The following SLC47A2 variants were observed in gnomAD, a reference collection of about 807,000 sequenced individuals.
SLC47A2 encodes solute carrier family 47 member 2.
In SLC47A2, 52 loss-of-function variants were observed where a neutral mutation model predicts 67.7. That is an observed-to-expected ratio of 0.77 (90% confidence interval 0.61 to 0.97). The LOEUF (loss-of-function observed/expected upper bound fraction) is 0.97, where lower values mean the gene tolerates loss of function less well. Ranked by LOEUF, SLC47A2 falls within the 50% of genes least tolerant of loss-of-function variation. SLC47A2 has a pLI of 0.00. For synonymous variants in SLC47A2, 278 were observed against 292.9 expected, an observed-to-expected ratio of 0.95 and a Z score of 0.52; for missense variants, 676 against 712.3, an observed-to-expected ratio of 0.95 and a Z score of 0.58.
intron 5 of SLC47A2, among the ~76,000 whole-genome samples, chr17:19,709,867 A>C (rs2086049342): frequency 6.6e-6 from 1 of 152,196 alleles, no homozygotes; most frequent in Non-Finnish European, 1.5e-5. Context: ...ACAAGATGCC[A>C]TCACCTCGGT....
intron 13 of SLC47A2, among the ~76,000 whole-genome samples, chr17:19,694,125 G>A (rs1298850120): frequency 6.6e-6 from 1 of 152,100 alleles, no homozygotes; most frequent in Non-Finnish European, 1.5e-5. Context: ...AGATAAAGAA[G>A]TTCTAAATAA....
chr17:19,714,365 T>G (rs1597645993), intron 3 of SLC47A2: 1 of 399,644 alleles, frequency 2.5e-6, no homozygotes, highest in Non-Finnish European at 4.6e-6. Context: ...AGCAGGGAGG[T>G]TCCTTCTGTG....
chr17:19,700,161 A>T (rs2085752860), intron 13 of SLC47A2, among the ~76,000 whole-genome samples: 1 of 152,230 alleles, frequency 6.6e-6, no homozygotes, highest in South Asian at 2.1e-4. Flanking sequence ...GGGGTGATGG[A>T]AAACTAGATG....
intron 4 of SLC47A2, 99 bp from the exon 5 acceptor site, chr17:19,712,844 T>C (rs2086139205): frequency 8.8e-7 from 1 of 1,140,938 alleles, no homozygotes; most frequent in African/African-American, 1.5e-5. Flanking sequence ...TCGGCCGCTG[T>C]CCCAGGGTCT....
Position 19,713,734 on chromosome 17 carries a change from A to G in SLC47A2, c.443+91T>C, listed in dbSNP as rs111228075. ...GTGAGCACTCGTGGCCTAGAGAAGC[A>G]TGGGGTGTGAGGGCTGGGCATCTTC... On this transcript the variant is annotated intron_variant, in intron 4 of 16. Coordinates refer to ENST00000433844, the MANE Select transcript of SLC47A2 (RefSeq NM_001099646.3). 4.7e-3 allele frequency: 7,205 copies of G among 1,523,114 alleles called. 255 individuals are homozygous for G. In the African/African-American group the frequency reaches 0.083, roughly 17 times the overall value. 94.3% of individuals were successfully genotyped at this position (1,523,114 alleles called of 1,614,324 possible).
intron 5 of SLC47A2, among the ~76,000 whole-genome samples, chr17:19,712,277 C>A (rs2086121056): frequency 6.6e-6 from 1 of 152,140 alleles, no homozygotes; most frequent in Admixed American, 6.5e-5. Flanking sequence ...ATCCCAGCTA[C>A]TCCAGAGGCT....
At chr17:19,699,513 G>A (rs1044767777) in intron 13 of SLC47A2, among the ~76,000 whole-genome samples, 17 of 151,826 alleles carry the variant, frequency 1.1e-4, no homozygotes, top group South Asian at 2.1e-4. Flanking sequence ...CCCAAGTAGC[G>A]AAGACTATAG....
rs1190256043 is a variant in SLC47A2 at position 19,681,747 on chromosome 17, T to C, written c.1165-77A>G. Reference sequence around the variant, plus strand: ...AGGTGTCATGCAGCAGGCACTGTGCTAAGCCATTCGCATGGCATTGCTTCA... The same window carrying C: ...AGGTGTCATGCAGCAGGCACTGTGCCAAGCCATTCGCATGGCATTGCTTCA... On this transcript the variant is annotated intron_variant, in intron 13 of 16. Coordinates refer to ENST00000433844, the MANE Select transcript of SLC47A2 (RefSeq NM_001099646.3). The C allele has an allele frequency of 7.9e-6, 12 of 1,522,452 alleles. No individual in the cohort carries two copies. In the Admixed American group the frequency reaches 2.3e-4, roughly 29 times the overall value. 94.3% of individuals were successfully genotyped at this position (1,522,452 alleles called of 1,614,324 possible).
chr17:19,715,303 G>A, intron 1 of SLC47A2, 86 bp from the exon 2 acceptor site: 1 of 1,253,874 alleles, frequency 8.0e-7, no homozygotes, highest in Non-Finnish European at 1.1e-6. Context: ...AGCTTTGAGG[G>A]CCCCGCACCA....
chr17:19,708,975 C>T lies in SLC47A2; in HGVS notation c.487-215G>A, dbSNP rs529712255. 3.2e-3 allele frequency among the ~76,000 whole-genome samples: 480 copies of T among 152,346 alleles called. 4 individuals are homozygous for T. The highest frequency in any genetic ancestry group is 3.4e-3 in the Middle Eastern group (1 of 294). On this transcript the variant is annotated intron_variant, in intron 5 of 16. Transcript: ENST00000433844. ...ATGGAAGAGGCCCCCTCAGGGCTCC[C>T]TTCTGCCACAGGGGAGATGAGCAGG...
intron 8 of SLC47A2, 57 bp from the exon 9 acceptor site, chr17:19,706,818 G>A: frequency 1.5e-6 from 2 of 1,367,968 alleles, no homozygotes; most frequent in Non-Finnish European, 2.0e-6. Context: ...CCTCATTCCT[G>A]CTCCCCACTG....
At chr17:19,716,074 T>G (rs544050777) in intron 1 of SLC47A2, 1 of 224,572 alleles carries the variant, frequency 4.5e-6, no homozygotes, top group East Asian at 1.0e-4. Flanking sequence ...ATGAAATGGG[T>G]AGCCGGCCCC....
Position 19,706,746 on chromosome 17 carries a change from C to G in SLC47A2, c.743G>C (p.Cys248Ser), listed in dbSNP as rs757127733. Residue 248 changes from cysteine (C) to serine (S), a missense_variant, in exon 9 of 17, where the codon TGC becomes TCC. Cys to Ser is a moderately radical substitution (Grantham distance 112). Transcript: ENST00000433844. Reference sequence around the variant, plus strand: ...GAAGAAGGGGCCCCAGTCCTGCAGGCACTGGCTGGACCAACCTGGAAACAG... The same window carrying G: ...GAAGAAGGGGCCCCAGTCCTGCAGGGACTGGCTGGACCAACCTGGAAACAG... ...LETWAGWSSQCLQDWGPFFSL... is the reference protein window; with the variant it reads ...LETWAGWSSQSLQDWGPFFSL... 1 of 1,609,004 alleles carries G rather than the reference C, an allele frequency of 6.2e-7. No homozygotes were observed. Among genetic ancestry groups the G allele is most frequent in the Non-Finnish European group, 8.5e-7 (1 of 1,178,824 alleles).
At chr17:19,681,228 A>AC (rs1597585999) in intron 15 of SLC47A2, 139 bp downstream of exon 15, 3 of 666,440 alleles carry the variant, frequency 4.5e-6, no homozygotes, top group Admixed American at 3.1e-5. Flanking sequence ...CAAACAAACA[A>AC]AAAAAAAAAA....
At chr17:19,715,710 T>TTTG (rs2086242850) in intron 1 of SLC47A2, 1 of 137,134 alleles carries the variant, frequency 7.3e-6, no homozygotes, top group Non-Finnish European at 1.6e-5. Flanking sequence ...TTTTTTGTTT[T>TTTG]TTTTTTTTTT....
chr17:19,708,265 T>G, intron 7 of SLC47A2, 37 bp downstream of exon 7: 1 of 1,604,774 alleles, frequency 6.2e-7, no homozygotes, highest in Non-Finnish European at 8.5e-7. Flanking sequence ...CAGTGGGCAG[T>G]GTCCCCTGAC....
At chr17:19,682,473 C>G (rs185435187) in intron 13 of SLC47A2, among the ~76,000 whole-genome samples, 1 of 152,264 alleles carries the variant, frequency 6.6e-6, no homozygotes, top group Admixed American at 6.5e-5. Flanking sequence ...GAGAATGTGT[C>G]TCTGCTTTTT....
At chr17:19,688,120 T>C (rs2085465335) in intron 13 of SLC47A2, among the ~76,000 whole-genome samples, 1 of 152,044 alleles carries the variant, frequency 6.6e-6, no homozygotes, top group Non-Finnish European at 1.5e-5. Context: ...TGATAAACAT[T>C]GATACAAAAA....
chr17:19,705,013 G>T lies in SLC47A2; in HGVS notation c.909+423C>A, dbSNP rs1405335772. 3.0e-5 allele frequency: 10 copies of T among 335,126 alleles called. No homozygotes were observed. The Middle Eastern group carries it at 2.5e-3, about 83-fold the overall frequency. 20.8% of individuals were successfully genotyped at this position (335,126 alleles called of 1,614,324 possible). A position where few individuals can be genotyped will look rare whatever the true frequency, so the allele number is the denominator to read the frequency against. On this transcript the variant is annotated intron_variant, in intron 10 of 16. Transcript: ENST00000433844. ...GCTAACTTTTTATATTTTTAGTAGAGATGGGGTTTCACCATATTGCCCAGG... is the reference window on the plus strand; with the variant it reads ...GCTAACTTTTTATATTTTTAGTAGATATGGGGTTTCACCATATTGCCCAGG...
Sources: gnomAD v4.1 joint callset for allele counts (sites outside exome capture counted in the v4.1 genomes callset) on GRCh38, gnomAD v4.1.1 for gene constraint, MANE v1.5 for transcripts, NCBI Gene and HGNC (gene_info 2026-07-23, HGNC 2026-07-21) for gene names.